ZRANB3: variants seen among roughly 807,000 people sequenced by gnomAD.
ZRANB3 encodes the protein zinc finger RANBP2-type containing 3.
Under a neutral mutation model 133.8 loss-of-function variants are expected in ZRANB3, and 125 were observed. The observed-to-expected ratio is 0.93, with a 90% confidence interval of 0.81 to 1.08. ZRANB3 has a LOEUF of 1.08. Among genes scored for constraint, ZRANB3 ranks in the 50% least tolerant of loss-of-function variants. The pLI, the probability that ZRANB3 is intolerant of heterozygous loss-of-function variation, is 0.00. For missense variants in ZRANB3, 1,229 were observed against 1,275.5 expected, an observed-to-expected ratio of 0.96 and a Z score of 0.56; for synonymous variants, 387 against 432.7, an observed-to-expected ratio of 0.89 and a Z score of 1.31.
At chr2:135,456,069 A>G (rs1410346471) in intron 2 of ZRANB3, among the ~76,000 whole-genome samples, 1 of 151,318 alleles carries the variant, frequency 6.6e-6, no homozygotes, top group Non-Finnish European at 1.5e-5. Flanking sequence ...GGCTTTGGAG[A>G]TTTTTCTTTT....
intron 2 of ZRANB3, among the ~76,000 whole-genome samples, chr2:135,482,889 C>T (rs1691897255): frequency 6.6e-6 from 1 of 151,918 alleles, no homozygotes. Context: ...TGGTTTTTGT[C>T]TTTGGCTCTG....
intron 2 of ZRANB3, among the ~76,000 whole-genome samples, chr2:135,406,973 G>A (rs1351005905): frequency 1.3e-5 from 2 of 152,154 alleles, no homozygotes; most frequent in Non-Finnish European, 2.9e-5. Context: ...TCTGGCCAGG[G>A]CAATCAGGCA....
At chr2:135,513,624 G>C (rs1693570912) in intron 1 of ZRANB3, among the ~76,000 whole-genome samples, 1 of 152,106 alleles carries the variant, frequency 6.6e-6, no homozygotes, top group Non-Finnish European at 1.5e-5. Flanking sequence ...AAACACAAGA[G>C]TAAACCTTTG....
chr2:135,380,131 A>G (rs1686620881), intron 3 of ZRANB3, among the ~76,000 whole-genome samples: 1 of 152,194 alleles, frequency 6.6e-6, no homozygotes, highest in South Asian at 2.1e-4. Context: ...ATATACATGC[A>G]CCCAATATAG....
chr2:135,435,401 C>T (rs1689489526), intron 2 of ZRANB3, among the ~76,000 whole-genome samples: 1 of 152,178 alleles, frequency 6.6e-6, no homozygotes, highest in Admixed American at 6.5e-5. Flanking sequence ...CAGTGATGTG[C>T]ATTTAGGTTG....
intron 2 of ZRANB3, among the ~76,000 whole-genome samples, chr2:135,438,898 G>GA (rs1409447040): frequency 1.3e-5 from 2 of 152,128 alleles, no homozygotes; most frequent in Admixed American, 1.3e-4. Context: ...GACTGATTTT[G>GA]AAAACTCTGC....
chr2:135,230,623 AACTG>A lies in ZRANB3; in HGVS notation c.1840_1843del (p.Gln614Ter), dbSNP rs1275360960. On this transcript the variant is annotated frameshift_variant, in exon 13 of 21. Coordinates refer to ENST00000264159, the MANE Select transcript of ZRANB3 (RefSeq NM_032143.4). LOFTEE classifies it high-confidence loss of function. ...CTCTACAGGAAAGGCTGGGGTGGTT[AACTG>A]GGCCTTGGCCTCCTGTACACTTTCC... 3.1e-6 allele frequency: 5 copies of A among 1,613,426 alleles called. No individual in the cohort carries two copies. In the African/African-American group the frequency reaches 5.3e-5, roughly 17 times the overall value.
In ZRANB3 at chr2:135,304,988, G is replaced by GT. The variant is rs1392068704; in HGVS notation, c.966+8500dup. Among the ~76,000 whole-genome samples, 4 of 150,062 alleles carry GT rather than the reference G, an allele frequency of 2.7e-5. No individual in the cohort carries two copies. The East Asian group carries it at 5.8e-4, about 22-fold the overall frequency. On this transcript the variant is annotated intron_variant, in intron 8 of 20. Coordinates refer to ENST00000264159, the MANE Select transcript of ZRANB3 (RefSeq NM_032143.4). Reference sequence around the variant, plus strand: ...ATCAGTTTCAAGTTTCTTTTTTTTTGTTTTTTGAGATGGGGTCTCACTATG... The same window carrying GT: ...ATCAGTTTCAAGTTTCTTTTTTTTTGTTTTTTTGAGATGGGGTCTCACTATG...
At chr2:135,229,646 C>T (rs888464569) in intron 13 of ZRANB3, among the ~76,000 whole-genome samples, 6 of 152,056 alleles carry the variant, frequency 3.9e-5, no homozygotes, top group Admixed American at 1.3e-4. Context: ...GGATTACAGG[C>T]GTGAGCCACC....
chr2:135,407,027 A>G (rs1284911224), intron 2 of ZRANB3, among the ~76,000 whole-genome samples: 3 of 152,224 alleles, frequency 2.0e-5, no homozygotes. Context: ...AGAGGAAGTC[A>G]AATTGTCCCT....
In ZRANB3 at chr2:135,395,073, C is replaced by T. The variant is rs548125004; in HGVS notation, c.162-4253G>A. 2.3e-4 allele frequency among the ~76,000 whole-genome samples: 35 copies of T among 151,770 alleles called. 1 individual carries two copies. The highest frequency in any genetic ancestry group is 5.9e-4 in the Admixed American group (9 of 15,218). ...AAGCCATCCTGAGCAAAAACAAAAC[C>T]GGAGGAATCACATTATCTGACTTCA... is the stretch of plus-strand genomic sequence containing the variant. On this transcript the variant is annotated intron_variant, in intron 2 of 20. Coordinates refer to ENST00000264159, the MANE Select transcript of ZRANB3 (RefSeq NM_032143.4).
At chr2:135,236,452 T>C (rs979363854) in intron 12 of ZRANB3, among the ~76,000 whole-genome samples, 3 of 152,090 alleles carry the variant, frequency 2.0e-5, no homozygotes, top group African/African-American at 7.2e-5. Flanking sequence ...AAAGTTCATA[T>C]GGAACCAAAA....
In ZRANB3 at chr2:135,200,536, C is replaced by T. The variant is rs186995113; in HGVS notation, c.3142-96G>A. 1.9e-4 allele frequency: 183 copies of T among 988,598 alleles called. No homozygotes were observed. The African/African-American group carries it at 2.6e-3, about 14-fold the overall frequency. The allele number at this position is 988,598 out of a possible 1,614,324, so 61.2% of individuals were successfully genotyped here. On this transcript the variant is annotated intron_variant, in intron 20 of 20. Coordinates refer to ENST00000264159, the MANE Select transcript of ZRANB3 (RefSeq NM_032143.4). Reference sequence around the variant, plus strand: ...TTATATTGTTAGTTTGGAAAATCTACAGTCACTACACCCATTTTCCAGTGG... The same window carrying T: ...TTATATTGTTAGTTTGGAAAATCTATAGTCACTACACCCATTTTCCAGTGG...
At chr2:135,483,720 A>G (rs1371819478) in intron 2 of ZRANB3, among the ~76,000 whole-genome samples, 1 of 151,918 alleles carries the variant, frequency 6.6e-6, no homozygotes, top group Non-Finnish European at 1.5e-5. Context: ...TCAATTTTGG[A>G]TCTTTCCCGC....
At chr2:135,416,689 C>T (rs1345721913) in intron 2 of ZRANB3, among the ~76,000 whole-genome samples, 4 of 151,812 alleles carry the variant, frequency 2.6e-5, no homozygotes, top group African/African-American at 7.3e-5. Context: ...GGAGGCATCA[C>T]ACTACCTGAC....
chr2:135,493,464 A>G (rs1323010899), intron 2 of ZRANB3, among the ~76,000 whole-genome samples: 2 of 151,852 alleles, frequency 1.3e-5, no homozygotes, highest in South Asian at 4.2e-4. Context: ...AGGCAACCCA[A>G]TTAAAACAAG....
At chr2:135,313,025 A>G (rs1436511611) in intron 8 of ZRANB3, among the ~76,000 whole-genome samples, 1 of 151,462 alleles carries the variant, frequency 6.6e-6, no homozygotes, top group Non-Finnish European at 1.5e-5. Context: ...GTCTTTAAAA[A>G]AAAAAAAAAC....
intron 6 of ZRANB3, among the ~76,000 whole-genome samples, chr2:135,322,163 G>C (rs1046013923): frequency 1.3e-5 from 2 of 152,104 alleles, no homozygotes; most frequent in Non-Finnish European, 2.9e-5. Context: ...CTTGCATATT[G>C]TCAAAAATCA....
intron 2 of ZRANB3, among the ~76,000 whole-genome samples, chr2:135,474,399 GAT>G (rs1187079319): frequency 6.6e-6 from 1 of 152,106 alleles, no homozygotes; most frequent in African/African-American, 2.4e-5. Flanking sequence ...ATTAAAATGT[GAT>G]CCCCAATGGT....
Sources: allele counts gnomAD v4.1 joint callset (sites outside exome capture counted in the v4.1 genomes callset), GRCh38; gene constraint gnomAD v4.1.1; transcripts MANE v1.5; gene names NCBI Gene and HGNC (gene_info 2026-07-23, HGNC 2026-07-21).